Variants in GSN observed in about 807,000 individuals in gnomAD.
GSN encodes the protein actin-depolymerizing factor.
In GSN, 56 loss-of-function variants were observed where a neutral mutation model predicts 85.7. The observed-to-expected ratio is 0.65, with a 90% CI of 0.53 to 0.82. The LOEUF (loss-of-function observed/expected upper bound fraction) is 0.82, where lower values mean the gene tolerates loss of function less well. GSN is among the 40% of genes least tolerant of loss of function. GSN has a pLI of 0.00. For synonymous variants in GSN, 373 were observed against 399.1 expected (o/e 0.93, Z 0.78); for missense variants, 857 against 979.8 (o/e 0.87, Z 1.67).
intron 4 of GSN, among the ~76,000 whole-genome samples, chr9:121,219,968 G>A (rs961605826): frequency 1.7e-4 from 26 of 151,206 alleles, no homozygotes; most frequent in South Asian, 4.2e-4. Flanking sequence ...CGCAATCTCC[G>A]CCTCCCAGGT....
In GSN at chr9:121,332,673, A is replaced by T. The variant is rs2064089043; in HGVS notation, c.*70A>T. The T allele has an allele frequency of 8.6e-7, 1 of 1,167,744 alleles. No homozygotes were observed. 72.3% of individuals were successfully genotyped at this position (1,167,744 alleles called of 1,614,324 possible). On this transcript the variant is annotated 3_prime_UTR_variant, in exon 18 of 18. Transcript: ENST00000432226. The surrounding 1 kb of genome is among the most constrained non-coding windows in gnomAD (Gnocchi z 4.8). ...ACTGTCCTTCCCTCAAAGAGGCCTT[A>T]GAGCGAGCAGAGCAGCTCTGCTATG...
intron 5 of GSN, chr9:121,311,310 T>G: frequency 9.1e-6 from 2 of 220,446 alleles, no homozygotes; most frequent in South Asian, 1.4e-4. Context: ...CAGGCCCACC[T>G]TATAGATGTG....
chr9:121,220,308 C>T (rs1417181898), intron 4 of GSN, among the ~76,000 whole-genome samples: 2 of 152,264 alleles, frequency 1.3e-5, no homozygotes, highest in Non-Finnish European at 2.9e-5. Context: ...CAGCCGGGGC[C>T]GAGGTCCTGC....
Position 121,299,939 on chromosome 9 carries a change from C to G in GSN, c.-9-2024C>G. 7.9e-7 allele frequency: 1 copy of G among 1,261,856 alleles called. No homozygotes were observed. Among genetic ancestry groups the G allele is most frequent in the Non-Finnish European group, 1.0e-6 (1 of 1,002,082 alleles). 78.2% of individuals were successfully genotyped at this position (1,261,856 alleles called of 1,614,324 possible). ...TGTGCGCGCTGTCGCTGCCCGTCCG[C>G]GCGGCCACTGCGTCGCGGGGGGCGT... is the stretch of plus-strand genomic sequence containing the variant. On this transcript the variant is annotated intron_variant, in intron 2 of 17. Coordinates refer to ENST00000432226, the MANE Select transcript of GSN (RefSeq NM_198252.3). The surrounding 1 kb of genome is among the most constrained non-coding windows in gnomAD (Gnocchi z 4.2).
intron 4 of GSN, among the ~76,000 whole-genome samples, chr9:121,215,392 T>G (rs2054044325): frequency 1.3e-5 from 2 of 151,908 alleles, no homozygotes; most frequent in South Asian, 4.2e-4. Context: ...GGTTAAAAGA[T>G]CTCTAAAACA....
At chr9:121,240,333 A>G (rs1233022686) in intron 5 of GSN, among the ~76,000 whole-genome samples, 3 of 152,178 alleles carry the variant, frequency 2.0e-5, no homozygotes, top group African/African-American at 7.2e-5. Context: ...ACTCATAACA[A>G]TTCAACTCAT....
intron 10 of GSN, 45 bp from the exon 11 acceptor site, chr9:121,321,223 G>T: frequency 1.2e-6 from 2 of 1,609,560 alleles, no homozygotes; most frequent in Non-Finnish European, 1.7e-6. Flanking sequence ...TGAGCTGGGG[G>T]GTGGGGGTGC....
At chr9:121,294,060 T>C (rs1416258267) in intron 2 of GSN, among the ~76,000 whole-genome samples, 4 of 152,346 alleles carry the variant, frequency 2.6e-5, no homozygotes, top group South Asian at 4.1e-4. Context: ...AAGGTTGCTC[T>C]CTGTTTTTCT....
At chr9:121,243,005 C>A (rs1005167296) in intron 5 of GSN, among the ~76,000 whole-genome samples, 3 of 152,184 alleles carry the variant, frequency 2.0e-5, no homozygotes, top group Non-Finnish European at 2.9e-5. Context: ...AGTTTCCTAT[C>A]ACTGCTGTAA....
intron 4 of GSN, among the ~76,000 whole-genome samples, chr9:121,307,966 T>C (rs888902252): frequency 2.6e-5 from 4 of 152,230 alleles, no homozygotes; most frequent in Non-Finnish European, 5.9e-5. Flanking sequence ...ACCCCCTCAG[T>C]TGTGACTGCA....
At chr9:121,239,470 T>C (rs1353702773) in intron 5 of GSN, 2 of 362,172 alleles carry the variant, frequency 5.5e-6, no homozygotes, top group Middle Eastern at 3.9e-4. Context: ...TTCCTCAGTG[T>C]AGTCTACGTC....
intron 4 of GSN, among the ~76,000 whole-genome samples, chr9:121,303,449 AG>A (rs2060105561): frequency 6.6e-6 from 1 of 152,182 alleles, no homozygotes; most frequent in African/African-American, 2.4e-5. Flanking sequence ...TTGCCAACAG[AG>A]GGCCCCGTGT....
chr9:121,250,350 G>T (rs1588480721), intron 6 of GSN, among the ~76,000 whole-genome samples: 1 of 151,808 alleles, frequency 6.6e-6, no homozygotes, highest in Non-Finnish European at 1.5e-5. Flanking sequence ...GATTACAGGT[G>T]CCTGCCACTA....
At chr9:121,242,106 A>G (rs924896523) in intron 5 of GSN, among the ~76,000 whole-genome samples, 1 of 152,186 alleles carries the variant, frequency 6.6e-6, no homozygotes, top group Non-Finnish European at 1.5e-5. Context: ...TCTCAAAGGG[A>G]TGATACCTAC....
intron 4 of GSN, among the ~76,000 whole-genome samples, chr9:121,230,972 C>T (rs553993068): frequency 6.6e-6 from 1 of 152,340 alleles, no homozygotes; most frequent in South Asian, 2.1e-4. Context: ...GCAAACTTCA[C>T]AGCATCACTC....
chr9:121,282,848 G>T, intron 2 of GSN: 1 of 284,178 alleles, frequency 3.5e-6, no homozygotes, highest in Non-Finnish European at 6.9e-6. Context: ...TATGACACAG[G>T]GGCCCTGTCT....
At chr9:121,287,057 G>A (rs1208315272) in intron 2 of GSN, among the ~76,000 whole-genome samples, 5 of 152,112 alleles carry the variant, frequency 3.3e-5, no homozygotes, top group Admixed American at 1.3e-4. Context: ...GAGTGGCTGA[G>A]ACTCCAAGTC....
At chr9:121,301,914 T>A in intron 2 of GSN, 49 bp from the exon 3 acceptor site, 1 of 1,613,058 alleles carries the variant, frequency 6.2e-7, no homozygotes. Flanking sequence ...CTGGGGTCTC[T>A]CCCTGCCAGG....
At chr9:121,325,559 G>C (rs1453317058) in intron 12 of GSN, among the ~76,000 whole-genome samples, 3 of 152,106 alleles carry the variant, frequency 2.0e-5, no homozygotes, top group Non-Finnish European at 4.4e-5. Context: ...AGGGATTTCT[G>C]GTTTAAAAAG....
Sources: allele counts gnomAD v4.1 joint callset (sites outside exome capture counted in the v4.1 genomes callset), GRCh38; gene constraint gnomAD v4.1.1; non-coding constraint Gnocchi (gnomAD v3.1); transcripts MANE v1.5; gene names NCBI Gene and HGNC (gene_info 2026-07-23, HGNC 2026-07-21).